Variants in TBL1X observed in about 807,000 individuals in gnomAD.
The protein encoded by TBL1X is transducin beta like 1 X-linked.
TBL1X carries 10 observed loss-of-function variants against 50.7 expected under a neutral mutation model. The observed-to-expected ratio is 0.20, with a 90% CI of 0.12 to 0.33. TBL1X has a LOEUF of 0.33. Ranked by LOEUF, TBL1X falls within the 10% of genes least tolerant of loss-of-function variation. The pLI, the probability that TBL1X is intolerant of heterozygous loss-of-function variation, is 1.00. For synonymous variants in TBL1X, 190 were observed against 214.7 expected, an observed-to-expected ratio of 0.88 and a Z score of 1.01; for missense variants, 340 against 504.4, an observed-to-expected ratio of 0.67 and a Z score of 3.12.
intron 3 of TBL1X, among the ~76,000 whole-genome samples, chrX:9,650,179 A>C (rs921329970): frequency 2.7e-5 from 3 of 112,042 alleles, no homozygotes; most frequent in Non-Finnish European, 5.6e-5. Context: ...TCAAACACAA[A>C]ATGCTTATTT....
At chrX:9,463,955 A>G (rs1201479941), upstream of TBL1X, among the ~76,000 whole-genome samples, 2 of 112,114 alleles carry the variant, frequency 1.8e-5, no homozygotes, top group East Asian at 5.6e-4. Context: ...CCCTACAACC[A>G]GAACAACAAA....
chrX:9,592,595 ACT>A (rs1449137057), intron 2 of TBL1X, among the ~76,000 whole-genome samples: 1 of 109,911 alleles, frequency 9.1e-6, no homozygotes, highest in Non-Finnish European at 1.9e-5. Flanking sequence ...CTTCTCCAAA[ACT>A]CTCTGCTCAT....
At chrX:9,624,851 CA>C (rs1163354077) in intron 2 of TBL1X, among the ~76,000 whole-genome samples, 2 of 110,991 alleles carry the variant, frequency 1.8e-5, no homozygotes, top group Non-Finnish European at 1.9e-5. Context: ...GTTCTCTTTA[CA>C]AAAAAAAATT....
intron 5 of TBL1X, among the ~76,000 whole-genome samples, chrX:9,680,608 C>T (rs771026475): frequency 6.3e-5 from 7 of 111,162 alleles, no homozygotes; most frequent in Non-Finnish European, 1.3e-4. Flanking sequence ...GACCACATGG[C>T]CAGAAATCAG....
At chrX:9,690,664 A>T (rs1045535583) in intron 7 of TBL1X, among the ~76,000 whole-genome samples, 2 of 112,225 alleles carry the variant, frequency 1.8e-5, no homozygotes, top group Non-Finnish European at 3.8e-5. Flanking sequence ...AAACATGGGC[A>T]GTGGCTGTGT....
In TBL1X at chrX:9,663,709, C is replaced by T. The variant is rs553529150; in HGVS notation, c.211+9387C>T. Among the ~76,000 whole-genome samples the T allele has an allele frequency of 1.5e-3, 152 of 102,645 alleles. 1 individual carries two copies. Among genetic ancestry groups the T allele is most frequent in the African/African-American group, 5.0e-3 (137 of 27,435 alleles). 89.1% of individuals were successfully genotyped at this position (102,645 alleles called of 115,157 possible). ...CCAGGAGGTGGAGGTTGCTGTGAGC[C>T]GAAATTGCACAGCTGCACTCCAGCC... On this transcript the variant is annotated intron_variant, in intron 5 of 17. Transcript: ENST00000645353.
intron 1 of TBL1X, among the ~76,000 whole-genome samples, chrX:9,500,681 C>T (rs2081996753): frequency 8.9e-6 from 1 of 112,061 alleles, no homozygotes; most frequent in African/African-American, 3.2e-5. Flanking sequence ...CCTGCAGTAG[C>T]GGTGGTGTGG....
At chrX:9,645,441 A>G (rs1017927214) in intron 3 of TBL1X, 1 of 111,877 alleles carries the variant, frequency 8.9e-6, no homozygotes, top group Admixed American at 9.5e-5. Context: ...TACACATGCA[A>G]TTGGGAGCCG....
chrX:9,640,446 C>T (rs1035582606), intron 3 of TBL1X, 86 bp downstream of exon 3: 1 of 111,688 alleles, frequency 9.0e-6, no homozygotes, highest in African/African-American at 3.3e-5. Flanking sequence ...CAAAATGGAA[C>T]CCCTTCTGTT....
At chrX:9,660,362 C>T (rs967143129) in intron 5 of TBL1X, among the ~76,000 whole-genome samples, 5 of 112,179 alleles carry the variant, frequency 4.5e-5, no homozygotes, top group African/African-American at 6.5e-5. Context: ...ACGTTGTGTC[C>T]GGCACAGGGA....
In TBL1X at chrX:9,716,813, G is replaced by T; in HGVS notation, c.*567G>T. Reference sequence around the variant, plus strand: ...TCTTTGTTCATTGGGTGGTTTTTCAGTCGGCTGGAATTCTATCTTCTGGGG... The same window carrying T: ...TCTTTGTTCATTGGGTGGTTTTTCATTCGGCTGGAATTCTATCTTCTGGGG... On this transcript the variant is annotated 3_prime_UTR_variant, in exon 18 of 18. Coordinates refer to ENST00000645353, the MANE Select transcript of TBL1X (RefSeq NM_005647.4). The T allele has an allele frequency of 9.0e-6, 1 of 111,171 alleles. No homozygotes were observed. Among genetic ancestry groups the T allele is most frequent in the Admixed American group, 9.6e-5 (1 of 10,439 alleles). 9.2% of individuals were successfully genotyped at this position (111,171 alleles called of 1,213,427 possible). A position where few individuals can be genotyped will look rare whatever the true frequency, so the allele number is the denominator to read the frequency against.
chrX:9,488,526 G>A (rs1157131246), intron 1 of TBL1X, among the ~76,000 whole-genome samples: 2 of 111,744 alleles, frequency 1.8e-5, no homozygotes, highest in Non-Finnish European at 3.8e-5. Context: ...GGGCCCATCC[G>A]GAAGATCCAG....
intron 2 of TBL1X, among the ~76,000 whole-genome samples, chrX:9,571,723 A>G (rs904922816): frequency 3.6e-5 from 4 of 111,657 alleles, no homozygotes; most frequent in Admixed American, 1.9e-4. Context: ...CTCATTAAAC[A>G]TGAGCTTTCC....
intron 2 of TBL1X, among the ~76,000 whole-genome samples, chrX:9,586,081 A>G (rs897124924): frequency 2.7e-5 from 3 of 112,436 alleles, no homozygotes; most frequent in Non-Finnish European, 5.6e-5. Flanking sequence ...ACTATAGACT[A>G]TAGTTCAGCA....
intron 2 of TBL1X, among the ~76,000 whole-genome samples, chrX:9,604,019 C>T (rs190643028): frequency 9.4e-4 from 105 of 111,780 alleles, no homozygotes; most frequent in African/African-American, 3.3e-3. Context: ...CTGCAATGAC[C>T]CTTTTTCCAA....
rs759125417 is a variant in TBL1X, at chrX:9,667,948, A to T, written c.211+13626A>T. Among the ~76,000 whole-genome samples the T allele has an allele frequency of 1.8e-3, 195 of 111,251 alleles. 1 individual carries two copies. The highest frequency in any genetic ancestry group is 2.9e-3 in the Non-Finnish European group (153 of 52,922). On this transcript the variant is annotated intron_variant, in intron 5 of 17. Coordinates refer to ENST00000645353, the MANE Select transcript of TBL1X (RefSeq NM_005647.4). ...AAGATCAAATTCTAGGTTATGTTTT[A>T]AAAAAAAATTAGGACACCTAAAGTC...
intron 1 of TBL1X, among the ~76,000 whole-genome samples, chrX:9,500,276 C>CAAAA (rs386416596): frequency 5.0e-5 from 2 of 39,753 alleles, no homozygotes; most frequent in African/African-American, 2.0e-4. Flanking sequence ...GACCCTGTCT[C>CAAAA]AAAAAAAAAA....
chrX:9,569,974 A>G (rs2082376543), intron 2 of TBL1X, among the ~76,000 whole-genome samples: 1 of 112,319 alleles, frequency 8.9e-6, no homozygotes, highest in Middle Eastern at 4.6e-3. Flanking sequence ...CGTGGGGCGC[A>G]GTCCTGGCAT....
chrX:9,493,070 C>G (rs2081955652), intron 1 of TBL1X, among the ~76,000 whole-genome samples: 1 of 111,391 alleles, frequency 9.0e-6, no homozygotes, highest in South Asian at 3.8e-4. Context: ...GGTTATTTCC[C>G]TCCACCTGCT....
Sources: allele counts gnomAD v4.1 joint callset (sites outside exome capture counted in the v4.1 genomes callset), GRCh38; gene constraint gnomAD v4.1.1; transcripts MANE v1.5; gene names NCBI Gene and HGNC (gene_info 2026-07-23, HGNC 2026-07-21).